Variants in SLC25A20 observed in about 807,000 individuals in gnomAD.
SLC25A20 encodes the protein mitochondrial carnitine/acylcarnitine carrier protein.
In SLC25A20, 29 loss-of-function variants were observed where a neutral mutation model predicts 39.7. The observed-to-expected ratio is 0.73, with a 90% CI of 0.54 to 1.00. SLC25A20 has a LOEUF of 1.00. Among genes scored for constraint, SLC25A20 ranks in the 50% least tolerant of loss-of-function variants. The pLI is 0.00. For synonymous variants in SLC25A20, 103 were observed against 142.2 expected (o/e 0.72, Z 1.96); for missense variants, 333 against 379.9 (o/e 0.88, Z 1.03).
intron 3 of SLC25A20, among the ~76,000 whole-genome samples, chr3:48,881,325 C>T (rs911105443): frequency 6.6e-6 from 1 of 152,308 alleles, no homozygotes; most frequent in African/African-American, 2.4e-5. Context: ...CCCTATGAGA[C>T]CAACATGTTC....
At chr3:48,867,796 C>T (rs1463586440) in intron 4 of SLC25A20, among the ~76,000 whole-genome samples, 1 of 151,688 alleles carries the variant, frequency 6.6e-6, no homozygotes, top group East Asian at 2.0e-4. Flanking sequence ...CATGGTGGCT[C>T]ATGCCTGTAA....
Position 48,892,055 on chromosome 3 carries a change from CTG to C in SLC25A20, c.121_122del (p.Gln41AlafsTer16). The part of the protein sequence containing the change: ...LDTVKVRLQT[Q>X]PPSLPGQPPM... ...GAGGTTGTCCAGGCAAACTCGGTGG[CTG>C]TGTCTGCAGTCGGACCTGAAAACAG... On this transcript the variant is annotated frameshift_variant, in exon 2 of 9. Coordinates refer to ENST00000319017, the MANE Select transcript of SLC25A20 (RefSeq NM_000387.6). LOFTEE classifies it high-confidence loss of function. 2 of 1,614,028 alleles carry C rather than the reference CTG, an allele frequency of 1.2e-6. No homozygotes were observed. Among genetic ancestry groups the C allele is most frequent in the Non-Finnish European group, 1.7e-6 (2 of 1,179,928 alleles).
At chr3:48,889,300 G>C (rs2083855892) in intron 2 of SLC25A20, among the ~76,000 whole-genome samples, 1 of 151,722 alleles carries the variant, frequency 6.6e-6, no homozygotes, top group African/African-American at 2.4e-5. Flanking sequence ...TTAGGCAGGA[G>C]AATCTCTTGA....
intron 1 of SLC25A20, 124 bp from the exon 2 acceptor site, chr3:48,892,196 A>T (rs1217205204): frequency 1.3e-6 from 1 of 752,192 alleles, no homozygotes; most frequent in Non-Finnish European, 2.4e-6. Flanking sequence ...TTTGGCATTC[A>T]CTTAACCTGC....
chr3:48,877,497 G>A lies in SLC25A20; in HGVS notation c.417+1861C>T, dbSNP rs541526254. Among the ~76,000 whole-genome samples the A allele has an allele frequency of 5.9e-5, 9 of 152,132 alleles. 1 individual carries two copies. In the South Asian group the frequency reaches 8.3e-4, roughly 14 times the overall value. ...TGTAATCCCAGCACTTTGGGAGGCC[G>A]AGGTGGGTGGGTCACAAGGTCAGGA... is the stretch of plus-strand genomic sequence containing the variant. On this transcript the variant is annotated intron_variant, in intron 4 of 8. Transcript: ENST00000319017.
intron 4 of SLC25A20, among the ~76,000 whole-genome samples, chr3:48,870,707 C>T (rs1456171165): frequency 3.3e-5 from 5 of 150,654 alleles, no homozygotes; most frequent in East Asian, 2.0e-4. Flanking sequence ...GATGGGGTTT[C>T]GCTATATTGC....
At chr3:48,871,982 A>ATTTTTT (rs71077746) in intron 4 of SLC25A20, among the ~76,000 whole-genome samples, 2 of 56,666 alleles carry the variant, frequency 3.5e-5, no homozygotes, top group African/African-American at 6.7e-5. Context: ...TGCCCAGCTA[A>ATTTTTT]TTTTTTTTTT....
At chr3:48,876,347 A>C (rs1194191003) in intron 4 of SLC25A20, among the ~76,000 whole-genome samples, 1 of 151,860 alleles carries the variant, frequency 6.6e-6, no homozygotes. Context: ...CATCTCAAAA[A>C]AAAAAAAAAA....
At chr3:48,873,564 G>A (rs1358972714) in intron 4 of SLC25A20, among the ~76,000 whole-genome samples, 1 of 147,708 alleles carries the variant, frequency 6.8e-6, no homozygotes, top group Non-Finnish European at 1.5e-5. Flanking sequence ...AGGAGAGATC[G>A]CACCACCGCA....
intron 1 of SLC25A20, among the ~76,000 whole-genome samples, chr3:48,897,363 ATATATTTT>A: frequency 9.2e-6 from 1 of 108,204 alleles, no homozygotes; most frequent in South Asian, 2.7e-4. Flanking sequence ...ATATATATAT[ATATATTTT>A]TTTTTTTTTT....
At chr3:48,861,689 T>C (rs988337743) in intron 5 of SLC25A20, among the ~76,000 whole-genome samples, 16 of 152,044 alleles carry the variant, frequency 1.1e-4, no homozygotes, top group African/African-American at 3.9e-4. Flanking sequence ...AATGCACCAC[T>C]GCATTCCAGC....
intron 4 of SLC25A20, among the ~76,000 whole-genome samples, chr3:48,864,998 C>CTGAGAGTAGAGGAGGTACAGGGAAGACCA (rs1442789481): frequency 2.0e-5 from 3 of 152,146 alleles, no homozygotes; most frequent in Non-Finnish European, 2.9e-5. Flanking sequence ...CTGGAAAATG[C>CTGAGAGTAGAGGAGGTACAGGGAAGACCA]TGAGAGTAGA....
chr3:48,871,052 C>T lies in SLC25A20; in HGVS notation c.417+8306G>A, dbSNP rs1368784136. Among the ~76,000 whole-genome samples the T allele has an allele frequency of 2.6e-5, 4 of 151,980 alleles. No homozygotes were observed. The East Asian group carries it at 7.7e-4, about 29-fold the overall frequency. ...TATTGGCCAGGCTGGTCTCAAACTCCTGGCCTCATGTGATCCACCTGCCTC... is the reference window on the plus strand; with the variant it reads ...TATTGGCCAGGCTGGTCTCAAACTCTTGGCCTCATGTGATCCACCTGCCTC... On this transcript the variant is annotated intron_variant, in intron 4 of 8. Coordinates refer to ENST00000319017, the MANE Select transcript of SLC25A20 (RefSeq NM_000387.6).
rs376860154 is a variant in SLC25A20 at position 48,884,106 on chromosome 3, G to A, written c.217C>T (p.Arg73Trp). ...LFREGITGLY[R>W]GMAAPIIGVT... ...CCGATGATAGGGGCAGCCATTCCCCGATATAGCCCCGTGATGCCCTGCAAG... is the reference window on the plus strand; with the variant it reads ...CCGATGATAGGGGCAGCCATTCCCCAATATAGCCCCGTGATGCCCTGCAAG... The change falls in exon 3 of 9, where the codon CGG becomes TGG. Residue 73 changes from arginine to tryptophan, a missense_variant. Physicochemically the swap from Arg to Trp is moderately radical, Grantham distance 101. Coordinates refer to ENST00000319017, the MANE Select transcript of SLC25A20 (RefSeq NM_000387.6). 36 of 1,613,596 alleles carry A rather than the reference G, an allele frequency of 2.2e-5. No individual in the cohort carries two copies. Among genetic ancestry groups the A allele is most frequent in the South Asian group, 5.5e-5 (5 of 91,068 alleles).
chr3:48,862,431 G>A (rs2083635163), intron 5 of SLC25A20, 111 bp downstream of exon 5: 1 of 770,424 alleles, frequency 1.3e-6, no homozygotes, highest in South Asian at 1.4e-5. Context: ...TGTCAGAGAT[G>A]TGACATGCAT....
intron 5 of SLC25A20, 47 bp from the exon 6 acceptor site, chr3:48,859,674 C>A (rs774445405): frequency 4.8e-6 from 7 of 1,447,668 alleles, no homozygotes; most frequent in Non-Finnish European, 9.7e-7. Flanking sequence ...AAACTCTTCG[C>A]CAGGCATGGT....
At chr3:48,867,275 C>T (rs993942370) in intron 4 of SLC25A20, among the ~76,000 whole-genome samples, 2 of 150,618 alleles carry the variant, frequency 1.3e-5, no homozygotes, top group African/African-American at 2.4e-5. Flanking sequence ...GATGGAGTTT[C>T]GCTCTTGTTG....
intron 7 of SLC25A20, 73 bp from the exon 8 acceptor site, chr3:48,858,704 G>A (rs1370560394): frequency 2.5e-6 from 4 of 1,593,912 alleles, no homozygotes; most frequent in Admixed American, 3.3e-5. Flanking sequence ...GAAGGGTCAG[G>A]ACTAGCACAG....
chr3:48,883,340 G>T (rs2083807922), intron 3 of SLC25A20, among the ~76,000 whole-genome samples: 1 of 152,036 alleles, frequency 6.6e-6, no homozygotes, highest in African/African-American at 2.4e-5. Context: ...ATCACCTGGG[G>T]TCAGGAGATC....
Sources: gnomAD v4.1 joint callset for allele counts (sites outside exome capture counted in the v4.1 genomes callset) on GRCh38, gnomAD v4.1.1 for gene constraint, MANE v1.5 for transcripts, NCBI Gene and HGNC (gene_info 2026-07-23, HGNC 2026-07-21) for gene names.